Variants in PAK3 observed in about 807,000 individuals in gnomAD.
PAK3 encodes the protein serine/threonine-protein kinase PAK 3.
Under a neutral mutation model 41.0 loss-of-function variants are expected in PAK3, and 4 were observed. The observed-to-expected ratio is 0.10, with a 90% CI of 0.05 to 0.22. The LOEUF is 0.22. Ranked by LOEUF, PAK3 falls within the 10% of genes least tolerant of loss-of-function variation. PAK3 has a pLI of 1.00. For synonymous variants in PAK3, 146 were observed against 139.6 expected (o/e 1.05, Z -0.32); for missense variants, 205 against 409.9 (o/e 0.50, Z 4.32).
intron 6 of PAK3, 51 bp downstream of exon 6, chrX:111,142,247 GA>G (rs747013784): frequency 1.4e-6 from 1 of 733,822 alleles, no homozygotes; most frequent in Admixed American, 2.2e-5. Context: ...ATTCCTTTGT[GA>G]AAATAGTTTT....
chrX:111,185,737 G>A (rs1240227450), intron 11 of PAK3, among the ~76,000 whole-genome samples: 1 of 110,823 alleles, frequency 9.0e-6, no homozygotes, highest in East Asian at 2.9e-4. Flanking sequence ...TTCTGTTTTG[G>A]TACCAGTACC....
Position 110,978,728 on chromosome X carries a change from TTTTC to T in PAK3, c.-28+34111_-28+34114del, listed in dbSNP as rs373934037. 3.7e-3 allele frequency among the ~76,000 whole-genome samples: 399 copies of T among 108,756 alleles called. 2 individuals carry two copies. Among genetic ancestry groups the T allele is most frequent in the African/African-American group, 0.013 (380 of 29,114 alleles). The allele number at this position is 108,756 out of a possible 115,157, so 94.4% of individuals were successfully genotyped here. ...TCTCTTTCTTTCTTTCTTTCTTTCTTTTTCTTTCTTTCTTCTTTCCTTCTCTCTC... is the reference window on the plus strand; with the variant it reads ...TCTCTTTCTTTCTTTCTTTCTTTCTTTTTCTTTCTTCTTTCCTTCTCTCTC... On this transcript the variant is annotated intron_variant, in intron 1 of 14. Transcript: ENST00000425146.
At chrX:111,154,863 CA>C (rs1160014643) in intron 8 of PAK3, among the ~76,000 whole-genome samples, 54 of 105,489 alleles carry the variant, frequency 5.1e-4, no homozygotes, top group Non-Finnish European at 6.1e-4. Context: ...GGTATTCTGG[CA>C]AAAAAAAAAT....
chrX:110,986,424 G>A (rs991222490), intron 1 of PAK3, among the ~76,000 whole-genome samples: 1 of 111,928 alleles, frequency 8.9e-6, no homozygotes, highest in Admixed American at 9.5e-5. Flanking sequence ...AATAAAAGAA[G>A]AGAGGGAAAA....
intron 17 of PAK3, among the ~76,000 whole-genome samples, chrX:111,218,452 G>T (rs758342436): frequency 8.9e-6 from 1 of 112,167 alleles, no homozygotes; most frequent in Non-Finnish European, 1.9e-5. Context: ...ACTTCTGTTA[G>T]CTAGGGGTGA....
intron 4 of PAK3, among the ~76,000 whole-genome samples, chrX:111,115,215 G>A (rs2093441172): frequency 8.9e-6 from 1 of 112,156 alleles, no homozygotes; most frequent in Non-Finnish European, 1.9e-5. Flanking sequence ...AATAAGCATT[G>A]AGCCACTTGC....
chrX:111,081,075 C>A (rs1483016575), intron 1 of PAK3, among the ~76,000 whole-genome samples: 1 of 111,261 alleles, frequency 9.0e-6, no homozygotes, highest in Non-Finnish European at 1.9e-5. Flanking sequence ...TTACCAGAAC[C>A]GGGGGGCAAG....
intron 1 of PAK3, among the ~76,000 whole-genome samples, chrX:111,065,957 C>G (rs1431453721): frequency 8.9e-6 from 1 of 111,830 alleles, no homozygotes; most frequent in African/African-American, 3.2e-5. Flanking sequence ...CTTTCTTAAT[C>G]TAACTAGCAG....
intron 11 of PAK3, among the ~76,000 whole-genome samples, chrX:111,184,024 T>C (rs1446171744): frequency 9.0e-6 from 1 of 111,681 alleles, no homozygotes; most frequent in Non-Finnish European, 1.9e-5. Flanking sequence ...TATGTTATCA[T>C]GGGCCTATCC....
intron 1 of PAK3, among the ~76,000 whole-genome samples, chrX:111,019,650 A>G (rs2092144294): frequency 1.1e-5 from 1 of 90,234 alleles, no homozygotes; most frequent in South Asian, 7.0e-4. Context: ...TGGTTGTGCC[A>G]CTGCAATCCA....
chrX:111,217,610 A>T, intron 17 of PAK3: 2 of 962,596 alleles, frequency 2.1e-6, no homozygotes, highest in Non-Finnish European at 2.7e-6. Flanking sequence ...TACCTGGAAT[A>T]AACCTATTTG....
At chrX:111,021,814 A>T (rs1281581499) in intron 1 of PAK3, among the ~76,000 whole-genome samples, 2 of 110,023 alleles carry the variant, frequency 1.8e-5, no homozygotes, top group African/African-American at 6.6e-5. Flanking sequence ...TCAGTGAAGT[A>T]GATAGCATGA....
intron 11 of PAK3, among the ~76,000 whole-genome samples, chrX:111,177,401 G>A (rs1323228759): frequency 1.8e-5 from 2 of 112,245 alleles, no homozygotes; most frequent in Non-Finnish European, 3.8e-5. Context: ...ATCAAGTTCA[G>A]AATCACATGT....
At chrX:111,140,331 C>T (rs1304478231) in intron 5 of PAK3, among the ~76,000 whole-genome samples, 1 of 111,651 alleles carries the variant, frequency 9.0e-6, no homozygotes, top group East Asian at 2.8e-4. Context: ...TGCCAGGCCA[C>T]ATTGTCAAGG....
chrX:110,947,493 T>C (rs1014477121), intron 1 of PAK3, among the ~76,000 whole-genome samples: 10 of 111,403 alleles, frequency 9.0e-5, no homozygotes, highest in African/African-American at 3.3e-4. Flanking sequence ...GAAGACTAGT[T>C]CCATAGAATG....
At chrX:111,156,043 C>A (rs1265548341) in intron 8 of PAK3, among the ~76,000 whole-genome samples, 1 of 111,199 alleles carries the variant, frequency 9.0e-6, no homozygotes, top group Non-Finnish European at 1.9e-5. Flanking sequence ...AGTAATCTGA[C>A]GGCAAATGTC....
intron 1 of PAK3, among the ~76,000 whole-genome samples, chrX:111,087,824 T>A (rs979515002): frequency 6.9e-5 from 7 of 101,752 alleles, no homozygotes; most frequent in Non-Finnish European, 7.9e-5. Flanking sequence ...GGGTAAAGCC[T>A]CCAAGAAGAT....
chrX:110,978,795 C>G (rs2091391603), intron 1 of PAK3, among the ~76,000 whole-genome samples: 1 of 99,257 alleles, frequency 1.0e-5, no homozygotes, highest in Non-Finnish European at 2.0e-5. Flanking sequence ...TTTGTACTGT[C>G]TTTGTCTGGT....
chrX:111,094,458 T>A (rs2092953470), upstream of PAK3, among the ~76,000 whole-genome samples: 1 of 111,043 alleles, frequency 9.0e-6, no homozygotes, highest in African/African-American at 3.3e-5. Flanking sequence ...ATATATATAT[T>A]TTGAATTTAG....
Sources: allele counts gnomAD v4.1 joint callset (sites outside exome capture counted in the v4.1 genomes callset), GRCh38; gene constraint gnomAD v4.1.1; transcripts MANE v1.5; gene names NCBI Gene and HGNC (gene_info 2026-07-23, HGNC 2026-07-21).